Variants in AHSA1 observed in about 807,000 individuals in gnomAD.
The protein encoded by AHSA1 is activator of 90 kDa heat shock protein ATPase homolog 1.
In AHSA1, 14 loss-of-function variants were observed where a neutral mutation model predicts 46.1. The observed-to-expected ratio is 0.30, with a 90% CI of 0.20 to 0.47. The LOEUF is 0.47. AHSA1 is among the 20% of genes least tolerant of loss of function. AHSA1 has a pLI of 0.99. For missense variants in AHSA1, 333 were observed against 415.9 expected (o/e 0.80, Z 1.73); for synonymous variants, 147 against 145.8 (o/e 1.01, Z -0.06).
chr14:77,462,236 A>G lies in AHSA1; in HGVS notation c.348A>G (p.Glu116=), dbSNP rs775117547. 4 of 1,613,298 alleles carry G rather than the reference A, an allele frequency of 2.5e-6. No individual in the cohort carries two copies. The Admixed American group carries it at 6.7e-5, about 27-fold the overall frequency. ...PNLSDENSVD[E]VEISVSLAKD... ...TGTCTGATGAAAACAGCGTGGATGAAGTGGAGGTTTGTGCTTCATAACTCC... is the reference window on the plus strand; with the variant it reads ...TGTCTGATGAAAACAGCGTGGATGAGGTGGAGGTTTGTGCTTCATAACTCC... Residue 116 remains glutamate (E), a synonymous_variant, in exon 3 of 9, where the codon GAA becomes GAG. Coordinates refer to ENST00000216479, the MANE Select transcript of AHSA1 (RefSeq NM_012111.3).
chr14:77,467,003 C>T (rs2079050294), intron 6 of AHSA1, among the ~76,000 whole-genome samples: 2 of 152,142 alleles, frequency 1.3e-5, no homozygotes, highest in Non-Finnish European at 2.9e-5. Flanking sequence ...TAATTTTGTA[C>T]CATGTATTCG....
intron 2 of AHSA1, 132 bp downstream of exon 2, chr14:77,459,938 G>C (rs887703335): frequency 2.0e-5 from 19 of 967,848 alleles, no homozygotes; most frequent in Non-Finnish European, 2.9e-5. Context: ...GGAGTCCTAT[G>C]TAAAGCAGTA....
intron 6 of AHSA1, among the ~76,000 whole-genome samples, chr14:77,465,985 C>T (rs2079046497): frequency 6.6e-6 from 1 of 152,144 alleles, no homozygotes; most frequent in Admixed American, 6.5e-5. Context: ...CGCCATCACG[C>T]CTAGCTAATT....
chr14:77,466,931 CAG>C (rs1434376007), intron 6 of AHSA1, among the ~76,000 whole-genome samples: 3 of 152,204 alleles, frequency 2.0e-5, no homozygotes, highest in African/African-American at 7.2e-5. Flanking sequence ...CTAAAGTTTT[CAG>C]AGTTTTAAAA....
rs1205078665 is a variant in AHSA1 at position 77,468,071 on chromosome 14, TTTTCCC to T, written c.691-10_691-5del. On this transcript the variant is annotated splice_region_variant and splice_polypyrimidine_tract_variant and intron_variant, in intron 6 of 8. Coordinates refer to ENST00000216479, the MANE Select transcript of AHSA1 (RefSeq NM_012111.3). Reference sequence around the variant, plus strand: ...TGCCTCTTTTTTTTTTTTTTTTTTTTTTTCCCTGCAGCTGGTGCAGGCCTTTACCCA... The same window carrying T: ...TGCCTCTTTTTTTTTTTTTTTTTTTTTGCAGCTGGTGCAGGCCTTTACCCA... 1 of 1,403,552 alleles carries T rather than the reference TTTTCCC, an allele frequency of 7.1e-7. No individual in the cohort carries two copies. Among genetic ancestry groups the T allele is most frequent in the Non-Finnish European group, 9.4e-7 (1 of 1,062,784 alleles). 86.9% of individuals were successfully genotyped at this position (1,403,552 alleles called of 1,614,324 possible). A position where few individuals can be genotyped will look rare whatever the true frequency, so the allele number is the denominator to read the frequency against.
At chr14:77,462,291 T>C (rs767261799) in intron 3 of AHSA1, 49 bp downstream of exon 3, 2 of 1,537,756 alleles carry the variant, frequency 1.3e-6, no homozygotes, top group Non-Finnish European at 1.8e-6. Flanking sequence ...CCTCTTATTC[T>C]CAGATGAGAA....
At position 77,462,178 on chromosome 14, in the gene AHSA1, T is replaced by C; in HGVS notation, c.290T>C (p.Val97Ala). Residue 97 changes from valine to alanine, a missense_variant, in exon 3 of 9, where the codon GTA (valine) becomes GCA (alanine). By Grantham distance (64) the Val-to-Ala change is moderately conservative (BLOSUM62 0). Coordinates refer to ENST00000216479, the MANE Select transcript of AHSA1 (RefSeq NM_012111.3). ...LNWTGTSKSG[V>A]QYKGHVEIPN... is the part of the protein sequence containing the mutation. ...TTGACAGGTACTTCTAAGTCAGGAGTACAATACAAAGGACATGTGGAGATC... is the reference window on the plus strand; with the variant it reads ...TTGACAGGTACTTCTAAGTCAGGAGCACAATACAAAGGACATGTGGAGATC... 1 of 1,612,494 alleles carries C rather than the reference T, an allele frequency of 6.2e-7. No individual in the cohort carries two copies. The highest frequency in any genetic ancestry group is 8.5e-7 in the Non-Finnish European group (1 of 1,178,580).
In AHSA1 at chr14:77,459,920, G is replaced by T. The variant is rs984004684; in HGVS notation, c.271+114G>T. ...ACCTTGAAGGGAGAAGGCAGATGTT[G>T]CTGCTTTGGAGTCCTATGTAAAGCA... On this transcript the variant is annotated intron_variant, in intron 2 of 8. Coordinates refer to ENST00000216479, the MANE Select transcript of AHSA1 (RefSeq NM_012111.3). 1.1e-5 allele frequency: 13 copies of T among 1,212,996 alleles called. No individual in the cohort carries two copies. The East Asian group carries it at 3.1e-4, about 29-fold the overall frequency. The allele number at this position is 1,212,996 out of a possible 1,614,324, so 75.1% of individuals were successfully genotyped here. A position where few individuals can be genotyped will look rare whatever the true frequency, so the allele number is the denominator to read the frequency against.
chr14:77,467,571 G>A (rs1302103487), intron 6 of AHSA1, among the ~76,000 whole-genome samples: 1 of 152,166 alleles, frequency 6.6e-6, no homozygotes, highest in Non-Finnish European at 1.5e-5. Context: ...GCATGCGCCT[G>A]TAATCCCAGC....
Position 77,460,550 on chromosome 14 carries a change from G to A in AHSA1, c.271+744G>A, listed in dbSNP as rs934171752. On this transcript the variant is annotated intron_variant, in intron 2 of 8. Coordinates refer to ENST00000216479, the MANE Select transcript of AHSA1 (RefSeq NM_012111.3). ...GCATAGTAGTGTGGAAGGAATCTTC[G>A]GTGTCATCTTGCTCAGACCTCCTTT... 9.8e-5 allele frequency among the ~76,000 whole-genome samples: 14 copies of A among 142,664 alleles called. 1 individual carries two copies. The highest frequency in any genetic ancestry group is 3.6e-3 in the Middle Eastern group (1 of 276). 93.6% of individuals were successfully genotyped at this position (142,664 alleles called of 152,430 possible).
rs1304609490 is a variant in AHSA1, at chr14:77,465,592, C to T, written c.615C>T (p.Pro205=). ...TQARPVGVKI[P]TCKITLKETF... is the part of the protein sequence containing the mutation. ...CCAGACCTGTTGGAGTCAAAATCCCCACTTGTAAGATCACTCTTAAGGAAA... is the reference window on the plus strand; with the variant it reads ...CCAGACCTGTTGGAGTCAAAATCCCTACTTGTAAGATCACTCTTAAGGAAA... Residue 205 remains proline (P), a synonymous_variant, in exon 6 of 9, where the codon CCC becomes CCT. Coordinates refer to ENST00000216479, the MANE Select transcript of AHSA1 (RefSeq NM_012111.3). The T allele has an allele frequency of 1.2e-6, 2 of 1,613,940 alleles. No homozygotes were observed. The highest frequency in any genetic ancestry group is 4.5e-5 in the East Asian group (2 of 44,894).
At chr14:77,460,822 T>C (rs1291275338) in intron 2 of AHSA1, among the ~76,000 whole-genome samples, 12 of 151,796 alleles carry the variant, frequency 7.9e-5, no homozygotes, top group Non-Finnish European at 1.0e-4. Context: ...ATATAGGGAC[T>C]AAAAATTGGT....
chr14:77,465,283 GATTTGATTTGTT>G (rs1431641226), intron 5 of AHSA1, among the ~76,000 whole-genome samples: 2 of 152,190 alleles, frequency 1.3e-5, no homozygotes, highest in African/African-American at 4.8e-5. Flanking sequence ...ATATCTCAAT[GATTTGATTTGTT>G]ATTTGACTAT....
At chr14:77,467,861 G>A (rs757334002) in intron 6 of AHSA1, among the ~76,000 whole-genome samples, 5 of 152,104 alleles carry the variant, frequency 3.3e-5, no homozygotes, top group South Asian at 4.1e-4. Context: ...AAAAGTAAAC[G>A]GGTCCAAAGT....
At chr14:77,468,056 T>TC in intron 6 of AHSA1, 27 bp from the exon 7 acceptor site, 6 of 1,159,504 alleles carry the variant, frequency 5.2e-6, no homozygotes, top group Non-Finnish European at 6.8e-6. Flanking sequence ...TGCCTCTTTT[T>TC]TTTTTTTTTT....
chr14:77,465,704 G>A (rs2139942491), intron 6 of AHSA1, 37 bp downstream of exon 6: 1 of 1,608,274 alleles, frequency 6.2e-7, no homozygotes, highest in East Asian at 2.2e-5. Context: ...CATGCCATCT[G>A]CCCTTCTAGG....
chr14:77,468,094 C>G lies in AHSA1; in HGVS notation c.702C>G (p.Ala234=), dbSNP rs558064233. ...TTTTTTCCCTGCAGCTGGTGCAGGC[C>G]TTTACCCATGCTCCTGCAACATTAG... ...RVFTTQELVQ[A]FTHAPATLEA... Residue 234 remains alanine, a synonymous_variant, in exon 7 of 9, where the codon GCC becomes GCG. Coordinates refer to ENST00000216479, the MANE Select transcript of AHSA1 (RefSeq NM_012111.3). 62 of 1,474,740 alleles carry G rather than the reference C, an allele frequency of 4.2e-5. No homozygotes were observed. The South Asian group carries it at 7.7e-4, about 18-fold the overall frequency. The allele number at this position is 1,474,740 out of a possible 1,614,324, so 91.4% of individuals were successfully genotyped here.
At chr14:77,465,238 G>A (rs1394183975) in intron 5 of AHSA1, among the ~76,000 whole-genome samples, 1 of 152,178 alleles carries the variant, frequency 6.6e-6, no homozygotes, top group Non-Finnish European at 1.5e-5. Context: ...TTTAAACATA[G>A]AAATTGTTTG....
At chr14:77,465,970 GCA>G (rs2079046382) in intron 6 of AHSA1, among the ~76,000 whole-genome samples, 1 of 152,106 alleles carries the variant, frequency 6.6e-6, no homozygotes, top group African/African-American at 2.4e-5. Context: ...GGTACTATAG[GCA>G]CACGCCATCA....
Sources: allele counts gnomAD v4.1 joint callset (sites outside exome capture counted in the v4.1 genomes callset), GRCh38; gene constraint gnomAD v4.1.1; transcripts MANE v1.5; gene names NCBI Gene and HGNC (gene_info 2026-07-23, HGNC 2026-07-21).